The following MYO3B variants were observed in gnomAD, a reference collection of about 807,000 sequenced individuals.
MYO3B encodes the protein myosin-IIIb.
Under a neutral mutation model 174.6 loss-of-function variants are expected in MYO3B, and 156 were observed. The observed-to-expected ratio is 0.89, with a 90% CI of 0.78 to 1.02. MYO3B has a LOEUF of 1.02. MYO3B is among the 50% of genes least tolerant of loss of function. MYO3B has a pLI of 0.00. For missense variants in MYO3B, 1,632 were observed against 1,639.4 expected (o/e 1.00, Z 0.08); for synonymous variants, 563 against 569.1 (o/e 0.99, Z 0.15).
At chr2:170,531,706 C>A (rs1005535960) in intron 30 of MYO3B, among the ~76,000 whole-genome samples, 2 of 151,918 alleles carry the variant, frequency 1.3e-5, no homozygotes, top group African/African-American at 4.8e-5. Flanking sequence ...CAGTGCCAAA[C>A]TATGAGTATC....
intron 32 of MYO3B, among the ~76,000 whole-genome samples, chr2:170,579,983 T>C (rs893793760): frequency 1.3e-5 from 2 of 152,250 alleles, no homozygotes; most frequent in Non-Finnish European, 2.9e-5. Context: ...TACAGAGTTG[T>C]GATGCTTAAA....
At chr2:170,353,519 A>C (rs2094094345) in intron 8 of MYO3B, among the ~76,000 whole-genome samples, 1 of 152,232 alleles carries the variant, frequency 6.6e-6, no homozygotes, top group African/African-American at 2.4e-5. Context: ...CCAAACCTAT[A>C]GAATGTACAA....
At chr2:170,354,859 G>A (rs1450505356) in intron 8 of MYO3B, among the ~76,000 whole-genome samples, 1 of 149,692 alleles carries the variant, frequency 6.7e-6, no homozygotes, top group African/African-American at 2.5e-5. Context: ...GGCCGTCAGT[G>A]TCTTTATTCA....
chr2:170,478,078 C>T (rs1685424250), intron 25 of MYO3B, among the ~76,000 whole-genome samples: 1 of 152,158 alleles, frequency 6.6e-6, no homozygotes, highest in African/African-American at 2.4e-5. Flanking sequence ...CACGTCTCTA[C>T]TATTTTTTAT....
rs1477387266 is a variant in MYO3B at position 170,538,925 on chromosome 2, G to A, written c.3576-3981G>A. On this transcript the variant is annotated intron_variant, in intron 30 of 34. Coordinates refer to ENST00000408978, the MANE Select transcript of MYO3B (RefSeq NM_138995.5). ...TAGCTTATGATTTCCAGCAGAGGCCGAGGACAGTGTTATTTGTTAAAAAAA... is the reference window on the plus strand; with the variant it reads ...TAGCTTATGATTTCCAGCAGAGGCCAAGGACAGTGTTATTTGTTAAAAAAA... Among the ~76,000 whole-genome samples, 6 of 152,146 alleles carry A rather than the reference G, an allele frequency of 3.9e-5. No individual in the cohort carries two copies. The East Asian group carries it at 1.2e-3, about 29-fold the overall frequency.
rs114941621 is a variant in MYO3B at position 170,259,785 on chromosome 2, C to T, written c.749+23649C>T. ...AAAATATCAATAAATGGATAACTTA[C>T]AGAATGGGAGAATATATTCACCAAC... On this transcript the variant is annotated intron_variant, in intron 7 of 34. Coordinates refer to ENST00000408978, the MANE Select transcript of MYO3B (RefSeq NM_138995.5). Among the ~76,000 whole-genome samples the T allele has an allele frequency of 6.6e-3, 1,009 of 152,208 alleles. 16 individuals are homozygous for T. The highest frequency in any genetic ancestry group is 0.022 in the African/African-American group (923 of 41,538).
chr2:170,463,699 A>T (rs756339259), intron 24 of MYO3B, among the ~76,000 whole-genome samples: 2 of 150,162 alleles, frequency 1.3e-5, no homozygotes, highest in African/African-American at 4.8e-5. Context: ...CTTTTCTAGC[A>T]TACTGAATAG....
At chr2:170,272,624 A>G (rs2093433645) in intron 7 of MYO3B, among the ~76,000 whole-genome samples, 1 of 152,142 alleles carries the variant, frequency 6.6e-6, no homozygotes, top group African/African-American at 2.4e-5. Flanking sequence ...TGTCTCCCAA[A>G]AACCATGTGT....
At chr2:170,403,600 A>T (rs1162354624) in intron 19 of MYO3B, among the ~76,000 whole-genome samples, 1 of 152,112 alleles carries the variant, frequency 6.6e-6, no homozygotes, top group Non-Finnish European at 1.5e-5. Context: ...AAACCTTAAG[A>T]CTCTCTTCTG....
At chr2:170,640,429 AT>A (rs1697873688) in intron 32 of MYO3B, 1 of 152,218 alleles carries the variant, frequency 6.6e-6, no homozygotes, top group Admixed American at 6.5e-5. Context: ...AAGGCCTCTA[AT>A]AAGTGCTGAG....
At chr2:170,641,383 G>C (rs1222033167) in intron 32 of MYO3B, 1 of 152,042 alleles carries the variant, frequency 6.6e-6, no homozygotes, top group Non-Finnish European at 1.5e-5. Flanking sequence ...ACAATTTCTG[G>C]ATGGCGATTG....
rs1307087058 is a variant in MYO3B, at chr2:170,623,391, A to G, written c.3734-28237A>G. On this transcript the variant is annotated intron_variant, in intron 32 of 34. Coordinates refer to ENST00000408978, the MANE Select transcript of MYO3B (RefSeq NM_138995.5). The stretch of plus-strand genomic sequence containing the variant: ...GTCTTCTTTTGAAAAGTGTCTGTTC[A>G]TATACTTTGCACATTTTTTGATGGG... 2.6e-5 allele frequency among the ~76,000 whole-genome samples: 4 copies of G among 152,132 alleles called. No homozygotes were observed. The East Asian group carries it at 7.7e-4, about 29-fold the overall frequency.
intron 29 of MYO3B, 59 bp from the exon 30 acceptor site, chr2:170,519,379 C>A: frequency 6.9e-7 from 1 of 1,443,214 alleles, no homozygotes; most frequent in Non-Finnish European, 9.7e-7. Context: ...AGATGGGCAC[C>A]AAAAGCTAAC....
At chr2:170,638,613 T>C (rs1348815873) in intron 32 of MYO3B, among the ~76,000 whole-genome samples, 3 of 152,190 alleles carry the variant, frequency 2.0e-5, no homozygotes, top group Non-Finnish European at 4.4e-5. Flanking sequence ...TCTGGGCTAA[T>C]GGTTCTTACC....
chr2:170,539,582 C>G (rs1189121945), intron 30 of MYO3B, among the ~76,000 whole-genome samples: 1 of 151,694 alleles, frequency 6.6e-6, no homozygotes, highest in East Asian at 1.9e-4. Context: ...AACAGTTTGT[C>G]TATGATTTTA....
intron 32 of MYO3B, among the ~76,000 whole-genome samples, chr2:170,606,641 C>T (rs879320607): frequency 2.2e-4 from 34 of 152,178 alleles, no homozygotes; most frequent in African/African-American, 8.0e-4. Context: ...GGAGGACATT[C>T]GATCAATGAT....
At position 170,380,256 on chromosome 2, in the gene MYO3B, A is replaced by C. The variant is rs369477428; in HGVS notation, c.972-1760A>C. ...GGACAGTTTATGTATGATTTTGTTT[A>C]GTCAATGATATTCAGAGTAATGTGT... On this transcript the variant is annotated intron_variant, in intron 9 of 34. Transcript: ENST00000408978. Among the ~76,000 whole-genome samples, 108 of 133,318 alleles carry C rather than the reference A, an allele frequency of 8.1e-4. No individual in the cohort carries two copies. The South Asian group carries it at 0.026, about 33-fold the overall frequency. The allele number at this position is 133,318 out of a possible 152,430, so 87.5% of individuals were successfully genotyped here.
intron 22 of MYO3B, among the ~76,000 whole-genome samples, chr2:170,430,016 T>G (rs2094696360): frequency 2.0e-5 from 3 of 151,936 alleles, no homozygotes; most frequent in East Asian, 1.9e-4. Flanking sequence ...ACAGGTTTTT[T>G]TTTTTTTTTT....
chr2:170,199,481 C>T, intron 2 of MYO3B, 90 bp downstream of exon 2: 2 of 1,020,594 alleles, frequency 2.0e-6, no homozygotes, highest in East Asian at 2.7e-5. Flanking sequence ...GTTTAATTTT[C>T]ATGAAACCTG....
Sources: allele counts gnomAD v4.1 joint callset (sites outside exome capture counted in the v4.1 genomes callset), GRCh38; gene constraint gnomAD v4.1.1; transcripts MANE v1.5; gene names NCBI Gene and HGNC (gene_info 2026-07-23, HGNC 2026-07-21).